Variants in IMMP2L observed in about 807,000 individuals in gnomAD.
The protein encoded by IMMP2L is inner mitochondrial membrane peptidase subunit 2, also known as mitochondrial inner membrane protease subunit 2.
In IMMP2L, 18 loss-of-function variants were observed where a neutral mutation model predicts 19.3. That is an observed-to-expected ratio of 0.93 (90% CI 0.64 to 1.38). The LOEUF (loss-of-function observed/expected upper bound fraction) is 1.38. IMMP2L is among the 40% of genes most tolerant of loss of function. The pLI, the probability that IMMP2L is intolerant of heterozygous loss-of-function variation, is 0.00. For synonymous variants in IMMP2L, 76 were observed against 73.0 expected (o/e 1.04, Z -0.21); for missense variants, 233 against 218.2 (o/e 1.07, Z -0.43).
intron 3 of IMMP2L, among the ~76,000 whole-genome samples, chr7:111,188,622 C>G (rs1013360346): frequency 1.3e-5 from 2 of 152,068 alleles, no homozygotes; most frequent in African/African-American, 4.8e-5. Flanking sequence ...CTCTGCTCAT[C>G]GTAGTTGGAT....
intron 3 of IMMP2L, among the ~76,000 whole-genome samples, chr7:111,361,842 C>A (rs1829289430): frequency 6.6e-6 from 1 of 152,056 alleles, no homozygotes; most frequent in Non-Finnish European, 1.5e-5. Context: ...TTCTTTTTCT[C>A]ATCTACATTT....
chr7:110,720,654 T>C (rs542307862), intron 5 of IMMP2L, among the ~76,000 whole-genome samples: 4 of 152,202 alleles, frequency 2.6e-5, no homozygotes, highest in Admixed American at 1.3e-4. Flanking sequence ...GGGAATATGA[T>C]ACTGGCTGGG....
At chr7:110,927,544 A>G (rs1814989035) in intron 4 of IMMP2L, among the ~76,000 whole-genome samples, 1 of 152,122 alleles carries the variant, frequency 6.6e-6, no homozygotes, top group Non-Finnish European at 1.5e-5. Context: ...ATATGACTGT[A>G]GAAGAATGGT....
chr7:111,357,282 A>C (rs909440798), intron 3 of IMMP2L, among the ~76,000 whole-genome samples: 1 of 152,190 alleles, frequency 6.6e-6, no homozygotes, highest in Non-Finnish European at 1.5e-5. Context: ...TAGAGGCAGC[A>C]ACTTTAGATG....
intron 3 of IMMP2L, among the ~76,000 whole-genome samples, chr7:110,990,966 C>G (rs1056754912): frequency 6.6e-6 from 1 of 152,110 alleles, no homozygotes; most frequent in African/African-American, 2.4e-5. Context: ...CTTTCTTTGT[C>G]CTCTCTTGGA....
intron 4 of IMMP2L, among the ~76,000 whole-genome samples, chr7:110,907,890 G>C (rs1444290049): frequency 6.6e-6 from 1 of 152,130 alleles, no homozygotes; most frequent in African/African-American, 2.4e-5. Context: ...TATTGGTGCT[G>C]AGCTAGGATA....
At chr7:111,366,238 A>G (rs1310384174) in intron 3 of IMMP2L, among the ~76,000 whole-genome samples, 1 of 151,950 alleles carries the variant, frequency 6.6e-6, no homozygotes, top group Non-Finnish European at 1.5e-5. Flanking sequence ...CTGGAAAAGG[A>G]AAATCATTTA....
chr7:110,754,798 C>T (rs1797939135), intron 5 of IMMP2L, among the ~76,000 whole-genome samples: 1 of 152,028 alleles, frequency 6.6e-6, no homozygotes, highest in South Asian at 2.1e-4. Flanking sequence ...ACTGTTTAAT[C>T]ACCCACAAAA....
At chr7:111,363,563 T>C (rs1395752181) in intron 3 of IMMP2L, among the ~76,000 whole-genome samples, 1 of 152,064 alleles carries the variant, frequency 6.6e-6, no homozygotes, top group Non-Finnish European at 1.5e-5. Context: ...GTAAAAAATA[T>C]ATTGGAAATG....
chr7:110,869,544 A>G (rs2129543681), intron 5 of IMMP2L, among the ~76,000 whole-genome samples: 1 of 152,234 alleles, frequency 6.6e-6, no homozygotes. Flanking sequence ...ACAAAACTAT[A>G]GGCCCCTATA....
At chr7:111,191,431 TACACACAC>T (rs57414194) in intron 3 of IMMP2L, among the ~76,000 whole-genome samples, 24,631 of 146,618 alleles carry the variant, frequency 0.17, 2,118 homozygotes, top group Non-Finnish European at 0.2. Flanking sequence ...GCTGCTCAAA[TACACACAC>T]ACACACACAC....
chr7:111,383,623 C>T (rs1831415632), intron 3 of IMMP2L, among the ~76,000 whole-genome samples: 1 of 152,104 alleles, frequency 6.6e-6, no homozygotes, highest in Admixed American at 6.6e-5. Context: ...TCCCTGTTGG[C>T]TTCTATACAT....
intron 3 of IMMP2L, among the ~76,000 whole-genome samples, chr7:111,198,909 T>C (rs1809796714): frequency 6.6e-6 from 1 of 152,172 alleles, no homozygotes; most frequent in Non-Finnish European, 1.5e-5. Context: ...AATTGAATGT[T>C]TGAGTGGAGA....
intron 5 of IMMP2L, among the ~76,000 whole-genome samples, chr7:110,732,412 C>G (rs1796330487): frequency 6.6e-6 from 1 of 152,118 alleles, no homozygotes. Context: ...TTTCTAATTA[C>G]AAACAAAGAG....
chr7:110,768,491 G>A (rs1312341793), intron 5 of IMMP2L, among the ~76,000 whole-genome samples: 1 of 152,036 alleles, frequency 6.6e-6, no homozygotes, highest in Admixed American at 6.6e-5. Context: ...CACATTAAAA[G>A]CTTCCTTCAG....
chr7:111,054,197 C>T (rs1211716956), intron 3 of IMMP2L, among the ~76,000 whole-genome samples: 1 of 152,184 alleles, frequency 6.6e-6, no homozygotes, highest in Non-Finnish European at 1.5e-5. Flanking sequence ...TTCACCCATA[C>T]ATTGATATCT....
intron 3 of IMMP2L, among the ~76,000 whole-genome samples, chr7:111,182,129 C>T (rs951692751): frequency 3.3e-5 from 5 of 151,978 alleles, no homozygotes; most frequent in Non-Finnish European, 7.4e-5. Flanking sequence ...AAGACTCTTA[C>T]TCTTTTTCTT....
chr7:111,191,076 G>C (rs1808813333), intron 3 of IMMP2L, among the ~76,000 whole-genome samples: 1 of 152,074 alleles, frequency 6.6e-6, no homozygotes, highest in African/African-American at 2.4e-5. Context: ...AGGGTGAGAA[G>C]CAACAAAAGC....
At chr7:111,098,617 A>C (rs535447722) in intron 3 of IMMP2L, among the ~76,000 whole-genome samples, 1 of 151,872 alleles carries the variant, frequency 6.6e-6, no homozygotes, top group African/African-American at 2.4e-5. Context: ...TACAACATAC[A>C]AGCATTTTCT....
Sources: allele counts gnomAD v4.1 joint callset (sites outside exome capture counted in the v4.1 genomes callset), GRCh38; gene constraint gnomAD v4.1.1; transcripts MANE v1.5; gene names NCBI Gene and HGNC (gene_info 2026-07-23, HGNC 2026-07-21).